TBC1D19: variants seen among roughly 807,000 people sequenced by gnomAD.
The protein encoded by TBC1D19 is TBC1 domain family member 19.
A neutral mutation model predicts 89.0 loss-of-function variants in TBC1D19; 60 were observed. That is an observed-to-expected ratio of 0.67 (90% CI 0.55 to 0.84). The LOEUF (loss-of-function observed/expected upper bound fraction) is 0.84. Among genes scored for constraint, TBC1D19 ranks in the 40% least tolerant of loss-of-function variants. The probability of loss-of-function intolerance (pLI) is 0.00; values close to 1 mark genes in which losing one functional copy is unlikely to be tolerated. For synonymous variants in TBC1D19, 189 were observed against 199.7 expected (o/e 0.95, Z 0.45); for missense variants, 500 against 610.8 (o/e 0.82, Z 1.91).
intron 19 of TBC1D19, among the ~76,000 whole-genome samples, chr4:26,752,750 G>C (rs1187091480): frequency 6.6e-6 from 1 of 152,084 alleles, no homozygotes; most frequent in Admixed American, 6.6e-5. Context: ...TTTTATGGTA[G>C]GTTATATAAG....
At chr4:26,675,146 TAGAAGA>T (rs1037539336) in intron 11 of TBC1D19, among the ~76,000 whole-genome samples, 1 of 152,064 alleles carries the variant, frequency 6.6e-6, no homozygotes, top group South Asian at 2.1e-4. Flanking sequence ...TCAATTCTTG[TAGAAGA>T]AGATACAACT....
chr4:26,746,503 G>T (rs185609492), intron 18 of TBC1D19, among the ~76,000 whole-genome samples: 1 of 152,110 alleles, frequency 6.6e-6, no homozygotes, highest in African/African-American at 2.4e-5. Context: ...ATGTTTTTGT[G>T]TGGTTTTTCG....
At chr4:26,805,169 C>T in the TBC1D19 span, among the ~76,000 whole-genome samples, 1 of 152,200 alleles carries the variant, frequency 6.6e-6, no homozygotes, top group Non-Finnish European at 1.5e-5. Flanking sequence ...TCGCAGAATT[C>T]TTATGAGATT....
At chr4:26,855,465 T>C in the TBC1D19 span, among the ~76,000 whole-genome samples, 4 of 152,220 alleles carry the variant, frequency 2.6e-5, no homozygotes, top group South Asian at 8.3e-4. Flanking sequence ...TCTATCTAGG[T>C]ATTAGCATAA....
At chr4:26,732,964 C>T (rs1577996971) in intron 15 of TBC1D19, among the ~76,000 whole-genome samples, 1 of 152,236 alleles carries the variant, frequency 6.6e-6, no homozygotes, top group Admixed American at 6.5e-5. Flanking sequence ...GTGTTAAACA[C>T]TTGAAAAGGG....
chr4:26,855,540 A>G, the TBC1D19 span, among the ~76,000 whole-genome samples: 1 of 152,276 alleles, frequency 6.6e-6, no homozygotes, highest in South Asian at 2.1e-4. Flanking sequence ...TTCGTTTCAG[A>G]TGGGTGTACT....
intron 1 of TBC1D19, among the ~76,000 whole-genome samples, chr4:26,606,319 C>T (rs566286141): frequency 6.6e-6 from 1 of 152,144 alleles, no homozygotes; most frequent in Admixed American, 6.5e-5. Flanking sequence ...GGTAAGAAGG[C>T]TCTGTTATAT....
chr4:26,820,186 C>A, the TBC1D19 span, among the ~76,000 whole-genome samples: 1 of 152,188 alleles, frequency 6.6e-6, no homozygotes, highest in Non-Finnish European at 1.5e-5. Flanking sequence ...CATTAAAAAT[C>A]TATGCTTTTA....
chr4:26,639,319 C>T (rs1743336760), intron 6 of TBC1D19, among the ~76,000 whole-genome samples: 1 of 152,100 alleles, frequency 6.6e-6, no homozygotes, highest in Non-Finnish European at 1.5e-5. Context: ...CAGAGCCTCC[C>T]AAAGTGCTGG....
At chr4:26,652,265 T>C (rs1050549816) in intron 7 of TBC1D19, among the ~76,000 whole-genome samples, 12 of 152,172 alleles carry the variant, frequency 7.9e-5, no homozygotes, top group African/African-American at 2.9e-4. Flanking sequence ...TTTCTAATGA[T>C]TGGAATAGTT....
chr4:26,617,902 C>G (rs1741797144), intron 3 of TBC1D19, among the ~76,000 whole-genome samples: 1 of 152,060 alleles, frequency 6.6e-6, no homozygotes, highest in African/African-American at 2.4e-5. Flanking sequence ...TCTACCATAC[C>G]TTAGAGAGTT....
At chr4:26,635,665 G>A (rs1743077848) in intron 4 of TBC1D19, among the ~76,000 whole-genome samples, 1 of 152,084 alleles carries the variant, frequency 6.6e-6, no homozygotes, top group Non-Finnish European at 1.5e-5. Context: ...ATTACTTAGA[G>A]TAGAAATATG....
In TBC1D19 at chr4:26,656,506, C is replaced by T. The variant is rs80007238; in HGVS notation, c.481-3091C>T. Among the ~76,000 whole-genome samples the T allele has an allele frequency of 6.4e-3, 972 of 151,822 alleles. 9 individuals are homozygous for T. Among genetic ancestry groups the T allele is most frequent in the African/African-American group, 0.022 (931 of 41,396 alleles). ...GAATCATATTCTATGTTTATACTTA[C>T]AGAAGTAAGATTCCTACATTAAATG... is the stretch of plus-strand genomic sequence containing the variant. On this transcript the variant is annotated intron_variant, in intron 7 of 20. Transcript: ENST00000264866.
At chr4:26,846,591 A>G in the TBC1D19 span, among the ~76,000 whole-genome samples, 2 of 152,108 alleles carry the variant, frequency 1.3e-5, no homozygotes, top group Non-Finnish European at 2.9e-5. Flanking sequence ...TTTCATTTTA[A>G]TGGAGTCAAA....
the TBC1D19 span, among the ~76,000 whole-genome samples, chr4:26,786,147 C>A: frequency 2.6e-5 from 4 of 152,188 alleles, no homozygotes. Context: ...CCTTCATCTG[C>A]TGACATTTCT....
chr4:26,672,123 A>T, intron 9 of TBC1D19, 26 bp from the exon 10 acceptor site: 1 of 984,292 alleles, frequency 1.0e-6, no homozygotes, highest in Non-Finnish European at 1.4e-6. Context: ...CATGTCTAAT[A>T]ATTTTAATTT....
chr4:26,750,386 T>G (rs1171516671), intron 19 of TBC1D19, among the ~76,000 whole-genome samples: 2 of 152,222 alleles, frequency 1.3e-5, no homozygotes, highest in African/African-American at 4.8e-5. Flanking sequence ...GAAAATATTT[T>G]CTAATAATTA....
chr4:26,729,167 C>T (rs182444254), intron 15 of TBC1D19, among the ~76,000 whole-genome samples: 1 of 152,212 alleles, frequency 6.6e-6, no homozygotes, highest in East Asian at 1.9e-4. Flanking sequence ...AATCATAGTC[C>T]CCTTGTGTGT....
intron 1 of TBC1D19, among the ~76,000 whole-genome samples, chr4:26,577,784 G>T (rs939138044): frequency 6.6e-6 from 1 of 152,184 alleles, no homozygotes; most frequent in African/African-American, 2.4e-5. Context: ...GCCTACAGCT[G>T]TATGCCCGGA....
Sources: gnomAD v4.1 joint callset for allele counts (sites outside exome capture counted in the v4.1 genomes callset) on GRCh38, gnomAD v4.1.1 for gene constraint, MANE v1.5 for transcripts, NCBI Gene and HGNC (gene_info 2026-07-23, HGNC 2026-07-21) for gene names.